PRAG1: variants seen among roughly 807,000 people sequenced by gnomAD.
PRAG1 encodes PEAK1 related, kinase-activating pseudokinase 1, also known as inactive tyrosine-protein kinase PRAG1.
A neutral mutation model predicts 95.6 loss-of-function variants in PRAG1; 110 were observed. That is an observed-to-expected ratio of 1.15 (90% CI 0.99 to 1.35). The LOEUF (loss-of-function observed/expected upper bound fraction) is 1.35, where lower values mean the gene tolerates loss of function less well. Ranked by LOEUF, PRAG1 falls within the 40% of genes most tolerant of loss-of-function variation. PRAG1 has a pLI of 0.00. For synonymous variants in PRAG1, 1,052 were observed against 819.4 expected, an observed-to-expected ratio of 1.28 and a Z score of -4.85; for missense variants, 2,554 against 1,864.7, an observed-to-expected ratio of 1.37 and a Z score of -6.81.
intron 4 of PRAG1, among the ~76,000 whole-genome samples, chr8:8,338,210 C>A (rs1223508854): frequency 1.3e-5 from 2 of 152,180 alleles, no homozygotes; most frequent in South Asian, 4.1e-4. Context: ...CACCCATGTA[C>A]CATGTGTTTT....
intron 3 of PRAG1, among the ~76,000 whole-genome samples, chr8:8,344,589 T>C (rs1799273949): frequency 6.6e-6 from 1 of 152,088 alleles, no homozygotes; most frequent in Non-Finnish European, 1.5e-5. Flanking sequence ...CTAAAGCAAA[T>C]GGCAAAATGT....
At chr8:8,365,372 C>T (rs1000798325) in intron 3 of PRAG1, among the ~76,000 whole-genome samples, 1 of 152,112 alleles carries the variant, frequency 6.6e-6, no homozygotes, top group Admixed American at 6.6e-5. Flanking sequence ...ACCTGTAATC[C>T]CAACACTGTG....
At position 8,318,755 on chromosome 8, in the gene PRAG1, T is replaced by C. The variant is rs772779073; in HGVS notation, c.3620A>G (p.Lys1207Arg). The C allele has an allele frequency of 1.9e-6, 3 of 1,592,910 alleles. No homozygotes were observed. The highest frequency in any genetic ancestry group is 2.6e-6 in the Non-Finnish European group (3 of 1,169,620). Residue 1207 changes from lysine (K) to arginine (R), a missense_variant, in exon 6 of 6, where the codon AAG (lysine) becomes AGG (arginine). Coordinates refer to ENST00000615670, the MANE Select transcript of PRAG1 (RefSeq NM_001080826.3). The surrounding 1 kb of genome is among the most constrained non-coding windows in gnomAD (Gnocchi z 4.2). The part of the protein sequence containing the change: ...GPASPEGPRE[K>R]QLPRLIISNF... ...GCTGATGATGAGCCGGGGCAGCTGCTTCTCCCGGGGCCCTTCCGGGGAGGC... is the reference window on the plus strand; with the variant it reads ...GCTGATGATGAGCCGGGGCAGCTGCCTCTCCCGGGGCCCTTCCGGGGAGGC...
At chr8:8,349,270 T>C (rs761888262) in intron 3 of PRAG1, among the ~76,000 whole-genome samples, 46 of 142,472 alleles carry the variant, frequency 3.2e-4, no homozygotes, top group South Asian at 6.3e-4. Flanking sequence ...ATCTATCTAT[T>C]TATTTATTTA....
intron 3 of PRAG1, among the ~76,000 whole-genome samples, chr8:8,348,659 C>T (rs1799423789): frequency 6.6e-6 from 1 of 152,144 alleles, no homozygotes; most frequent in Non-Finnish European, 1.5e-5. Context: ...CCATCTCCAT[C>T]CTCAAAACCC....
At chr8:8,363,498 A>G (rs1008986711) in intron 3 of PRAG1, among the ~76,000 whole-genome samples, 1 of 152,212 alleles carries the variant, frequency 6.6e-6, no homozygotes, top group African/African-American at 2.4e-5. Context: ...TTCCATTTAT[A>G]TGAGGTACCT....
intron 5 of PRAG1, among the ~76,000 whole-genome samples, chr8:8,327,292 A>G (rs1035564192): frequency 2.6e-5 from 4 of 152,180 alleles, no homozygotes; most frequent in Admixed American, 6.5e-5. Context: ...CTTAGGGGTC[A>G]GGGGTGGTGG....
At chr8:8,372,575 G>C (rs1293560992) in intron 3 of PRAG1, among the ~76,000 whole-genome samples, 4 of 152,214 alleles carry the variant, frequency 2.6e-5, no homozygotes, top group Non-Finnish European at 4.4e-5. Flanking sequence ...TGGGTTGGAG[G>C]GTTGGGCAGG....
chr8:8,382,186 G>A (rs1030524878), intron 1 of PRAG1, among the ~76,000 whole-genome samples: 1 of 152,178 alleles, frequency 6.6e-6, no homozygotes, highest in African/African-American at 2.4e-5. Context: ...AAGCTGGTAC[G>A]TCATCCATGT....
intron 4 of PRAG1, among the ~76,000 whole-genome samples, chr8:8,331,371 C>A (rs1343995288): frequency 1.3e-5 from 2 of 152,174 alleles, no homozygotes; most frequent in African/African-American, 4.8e-5. Flanking sequence ...GAACACTTCA[C>A]CAGCTGTCAG....
At chr8:8,348,902 G>C (rs1488478358) in intron 3 of PRAG1, among the ~76,000 whole-genome samples, 1 of 152,188 alleles carries the variant, frequency 6.6e-6, no homozygotes, top group African/African-American at 2.4e-5. Context: ...GGAACACAGA[G>C]TCATTATTAA....
At chr8:8,326,199 TTAC>T (rs965090050) in intron 5 of PRAG1, among the ~76,000 whole-genome samples, 23 of 147,870 alleles carry the variant, frequency 1.6e-4, no homozygotes, top group African/African-American at 5.2e-4. Context: ...ATTAGTATTA[TTAC>T]TACTATTAAT....
intron 3 of PRAG1, among the ~76,000 whole-genome samples, chr8:8,367,273 A>C (rs1354770665): frequency 6.6e-6 from 1 of 151,796 alleles, no homozygotes; most frequent in Non-Finnish European, 1.5e-5. Context: ...AGTCTGGCCA[A>C]CATGGTGAAC....
rs1271710420 is a variant in PRAG1 at position 8,328,151 on chromosome 8, G to A, written c.2631C>T (p.Ser877=). 1 of 1,613,520 alleles carries A rather than the reference G, an allele frequency of 6.2e-7. No homozygotes were observed. The highest frequency in any genetic ancestry group is 1.1e-5 in the South Asian group (1 of 91,084). The change falls in exon 5 of 6, where the codon TCC becomes TCT. Residue 877 remains serine, a synonymous_variant. Coordinates refer to ENST00000615670, the MANE Select transcript of PRAG1 (RefSeq NM_001080826.3). ...SPGNRHHPVF[S]SSDPLEKAFK... The stretch of plus-strand genomic sequence containing the variant: ...AAGCTTTCTCCAGAGGATCGGAAGA[G>A]GAGAAGACAGGATGGTGGCGGTTCC...
intron 3 of PRAG1, among the ~76,000 whole-genome samples, chr8:8,367,523 C>T (rs539153747): frequency 4.2e-5 from 6 of 142,474 alleles, no homozygotes; most frequent in East Asian, 2.1e-4. Context: ...GATGCCACCA[C>T]GCTGACTGCT....
At chr8:8,334,033 G>A (rs1029694003) in intron 4 of PRAG1, among the ~76,000 whole-genome samples, 18 of 152,236 alleles carry the variant, frequency 1.2e-4, no homozygotes, top group African/African-American at 2.4e-4. Flanking sequence ...GGGTGGGGCA[G>A]AGGGATGCTT....
chr8:8,320,972 A>G (rs1798454717), intron 5 of PRAG1, among the ~76,000 whole-genome samples: 1 of 152,272 alleles, frequency 6.6e-6, no homozygotes, highest in Non-Finnish European at 1.5e-5. Context: ...TAAAAGCAGA[A>G]TGGTAATAAA....
At chr8:8,319,813 T>A (rs745438036) in intron 5 of PRAG1, among the ~76,000 whole-genome samples, 1 of 152,036 alleles carries the variant, frequency 6.6e-6, no homozygotes, top group Non-Finnish European at 1.5e-5. Context: ...ACCAAAAAAA[T>A]TTGTAAATGG....
chr8:8,332,255 G>T (rs1265224465), intron 4 of PRAG1, among the ~76,000 whole-genome samples: 1 of 150,864 alleles, frequency 6.6e-6, no homozygotes, highest in African/African-American at 2.4e-5. Context: ...TCTGCCTCCT[G>T]GGTTCAAGTG....
Sources: gnomAD v4.1 joint callset for allele counts (sites outside exome capture counted in the v4.1 genomes callset) on GRCh38, gnomAD v4.1.1 for gene constraint, Gnocchi (gnomAD v3.1) non-coding constraint, MANE v1.5 for transcripts, NCBI Gene and HGNC (gene_info 2026-07-23, HGNC 2026-07-21) for gene names.